HLA-DOB: variants seen among roughly 807,000 people sequenced by gnomAD.
The protein encoded by HLA-DOB is major histocompatibility complex, class II, DO beta.
In HLA-DOB, 25 loss-of-function variants were observed where a neutral mutation model predicts 27.7. That is an observed-to-expected ratio of 0.90 (90% CI 0.66 to 1.26). The LOEUF (loss-of-function observed/expected upper bound fraction) is 1.26, where lower values mean the gene tolerates loss of function less well. HLA-DOB is among the 50% of genes most tolerant of loss of function. The pLI, the probability that HLA-DOB is intolerant of heterozygous loss-of-function variation, is 0.00. For synonymous variants in HLA-DOB, 137 were observed against 125.6 expected (o/e 1.09, Z -0.61); for missense variants, 306 against 324.9 (o/e 0.94, Z 0.45).
At chr6:32,815,461 GA>G in intron 1 of HLA-DOB, 148 bp from the exon 2 acceptor site, 1 of 745,732 alleles carries the variant, frequency 1.3e-6, no homozygotes, top group Non-Finnish European at 2.3e-6. Context: ...AAAAGAAACA[GA>G]ATGGGATTCA....
rs1767960965 is a variant in HLA-DOB at position 32,815,095 on chromosome 6, C to T, written c.310G>A (p.Val104Ile). The change falls in exon 2 of 6, where the codon GTC (valine) becomes ATC (isoleucine). Residue 104 changes from valine to isoleucine, a missense_variant. Coordinates refer to ENST00000438763, the MANE Select transcript of HLA-DOB (RefSeq NM_002120.4). ...CCCAGCCTGTAGTTGTGTCTACAGACCCCATCCACGGCCTGTCTGCTCCTC... is the reference window on the plus strand; with the variant it reads ...CCCAGCCTGTAGTTGTGTCTACAGATCCCATCCACGGCCTGTCTGCTCCTC... The part of the protein sequence containing the change: ...LERSRQAVDG[V>I]CRHNYRLGAP... 3 of 1,614,084 alleles carry T rather than the reference C, an allele frequency of 1.9e-6. No homozygotes were observed. Among genetic ancestry groups the T allele is most frequent in the Non-Finnish European group, 2.5e-6 (3 of 1,180,040 alleles).
At chr6:32,813,325 C>T (rs1049130242) in intron 5 of HLA-DOB, 74 bp from the exon 6 acceptor site, 1 of 1,588,274 alleles carries the variant, frequency 6.3e-7, no homozygotes, top group Non-Finnish European at 8.6e-7. Context: ...ACTCAGGGGA[C>T]AGTCCCATCC....
Position 32,815,066 on chromosome 6 carries a change from T to C in HLA-DOB, c.339A>G (p.Ala113=). ...CACCTTTTCTCCCCACAGTGAAGGG[T>C]GCGCCCAGCCTGTAGTTGTGTCTAC... ...GVCRHNYRLG[A]PFTVGRKVQP... Residue 113 remains alanine, a synonymous_variant, in exon 2 of 6, where the codon GCA becomes GCG. Coordinates refer to ENST00000438763, the MANE Select transcript of HLA-DOB (RefSeq NM_002120.4). 1.2e-6 allele frequency: 2 copies of C among 1,614,062 alleles called. No individual in the cohort carries two copies. Among genetic ancestry groups the C allele is most frequent in the South Asian group, 1.1e-5 (1 of 91,076 alleles).
intron 1 of HLA-DOB, 135 bp from the exon 2 acceptor site, chr6:32,815,448 G>T: frequency 1.2e-6 from 1 of 826,602 alleles, no homozygotes; most frequent in Non-Finnish European, 2.0e-6. Flanking sequence ...AGTGTCAAGT[G>T]AGAAAAGAAA....
At chr6:32,813,941 A>T in intron 3 of HLA-DOB, 108 bp from the exon 4 acceptor site, 3 of 748,882 alleles carry the variant, frequency 4.0e-6, no homozygotes, top group Non-Finnish European at 6.6e-6. Context: ...AGCTAGAGAA[A>T]AATAAATAAA....
At chr6:32,814,262 G>T in intron 3 of HLA-DOB, 58 bp downstream of exon 3, 1 of 1,472,012 alleles carries the variant, frequency 6.8e-7, no homozygotes, top group Non-Finnish European at 9.4e-7. Flanking sequence ...CACAGGCTCT[G>T]TATTGAGTCA....
chr6:32,816,711 G>A (rs1202682616), intron 1 of HLA-DOB, 150 bp downstream of exon 1: 3 of 617,310 alleles, frequency 4.9e-6, no homozygotes, highest in South Asian at 2.1e-5. Flanking sequence ...GAGGCAAGGC[G>A]TACCTTTCTG....
At chr6:32,814,190 T>C (rs1361080426) in intron 3 of HLA-DOB, 130 bp downstream of exon 3, 4 of 896,314 alleles carry the variant, frequency 4.5e-6, no homozygotes, top group Admixed American at 2.6e-5. Flanking sequence ...CTGGTTTCTG[T>C]GACTGTCCCA....
Position 32,816,872 on chromosome 6 carries a change from G to C in HLA-DOB, c.80C>G (p.Thr27Arg), listed in dbSNP as rs1457991202. 1.2e-6 allele frequency: 2 copies of C among 1,612,574 alleles called. No individual in the cohort carries two copies. The highest frequency in any genetic ancestry group is 1.7e-6 in the Non-Finnish European group (2 of 1,179,754). ...TGCTCTGTTCTTACCTGGAGAGTCTGTGCCTTGAGTCATGGAGGAATCCAG... is the reference window on the plus strand; with the variant it reads ...TGCTCTGTTCTTACCTGGAGAGTCTCTGCCTTGAGTCATGGAGGAATCCAG... ...TRLDSSMTQG[T>R]DSPEDFVIQA... The change falls in exon 1 of 6, where the codon ACA (threonine) becomes AGA (arginine). Residue 27 changes from threonine (T) to arginine (R), a missense_variant. By Grantham distance (71) the Thr-to-Arg change is moderately conservative. Transcript: ENST00000438763.
At position 32,814,614 on chromosome 6, in the gene HLA-DOB, GA is replaced by G; in HGVS notation, c.362-14del. 1 of 1,602,966 alleles carries G rather than the reference GA, an allele frequency of 6.2e-7. No individual in the cohort carries two copies. Among genetic ancestry groups the G allele is most frequent in the Non-Finnish European group, 8.5e-7 (1 of 1,173,282 alleles). Reference sequence around the variant, plus strand: ...ACCTCTGGTTGCACTAGGAAGGGAGGAAAAATGAGACACCGTGAAAGAAAAC... The same window carrying G: ...ACCTCTGGTTGCACTAGGAAGGGAGGAAAATGAGACACCGTGAAAGAAAAC... On this transcript the variant is annotated splice_polypyrimidine_tract_variant and intron_variant, in intron 2 of 5. Transcript: ENST00000438763.
chr6:32,816,185 G>A (rs1165673344), intron 1 of HLA-DOB, among the ~76,000 whole-genome samples: 1 of 152,074 alleles, frequency 6.6e-6, no homozygotes, highest in Non-Finnish European at 1.5e-5. Context: ...ACATGCAAAG[G>A]GGATTCTGTT....
intron 2 of HLA-DOB, 111 bp from the exon 3 acceptor site, chr6:32,814,712 A>G: frequency 9.6e-7 from 1 of 1,038,722 alleles, no homozygotes; most frequent in East Asian, 2.4e-5. Context: ...CACCCAAGTG[A>G]ACACAAAGTA....
chr6:32,813,894 A>G, intron 3 of HLA-DOB, 61 bp from the exon 4 acceptor site: 1 of 1,002,408 alleles, frequency 1.0e-6, no homozygotes, highest in Admixed American at 2.1e-5. Flanking sequence ...ACTTTCTTGG[A>G]ATCCCAGAAT....
chr6:32,816,766 G>T, intron 1 of HLA-DOB, 95 bp downstream of exon 1: 1 of 976,946 alleles, frequency 1.0e-6, no homozygotes, highest in Non-Finnish European at 1.6e-6. Flanking sequence ...GCCACTTCCA[G>T]TCTGGTCTGT....
chr6:32,814,422 A>G lies in HLA-DOB; in HGVS notation c.541T>C (p.Phe181Leu), dbSNP rs1373030261. ...TGPIRNGDWT[F>L]QTVVMLEMTP... The stretch of plus-strand genomic sequence containing the variant: ...ATTTCTAGCATCACCACAGTCTGAA[A>G]GGTCCAGTCTCCATTCCTGATAGGG... The change falls in exon 3 of 6, where the codon TTT becomes CTT. Residue 181 changes from phenylalanine to leucine, a missense_variant. Transcript: ENST00000438763. 6.8e-6 allele frequency: 11 copies of G among 1,612,962 alleles called. No homozygotes were observed. The highest frequency in any genetic ancestry group is 9.3e-6 in the Non-Finnish European group (11 of 1,180,030).
chr6:32,814,223 T>A, intron 3 of HLA-DOB, 97 bp downstream of exon 3: 3 of 1,196,128 alleles, frequency 2.5e-6, no homozygotes, highest in Non-Finnish European at 3.6e-6. Flanking sequence ...GAATAATTCA[T>A]GTTGTGACCA....
chr6:32,814,424 G>T lies in HLA-DOB; in HGVS notation c.539C>A (p.Thr180Asn). The T allele has an allele frequency of 6.2e-7, 1 of 1,612,988 alleles. No homozygotes were observed. The highest frequency in any genetic ancestry group is 8.5e-7 in the Non-Finnish European group (1 of 1,179,994). ...STGPIRNGDW[T>N]FQTVVMLEMT... ...TTCTAGCATCACCACAGTCTGAAAG[G>T]TCCAGTCTCCATTCCTGATAGGGCC... The change falls in exon 3 of 6, where the codon ACC becomes AAC. Residue 180 changes from threonine to asparagine, a missense_variant. Coordinates refer to ENST00000438763, the MANE Select transcript of HLA-DOB (RefSeq NM_002120.4).
chr6:32,813,778 T>C lies in HLA-DOB; in HGVS notation c.699A>G (p.Leu233=), dbSNP rs966321746. ...CCACCAGAAGGAAGATTAGCCCAAG[T>C]AGGAAGGCTGCAATGCCACTCAGCA... The part of the protein sequence containing the change: ...RKMLSGIAAF[L]LGLIFLLVGI... Residue 233 remains leucine (L), a synonymous_variant, in exon 4 of 6, where the codon CTA becomes CTG. Coordinates refer to ENST00000438763, the MANE Select transcript of HLA-DOB (RefSeq NM_002120.4). 6.4e-7 allele frequency: 1 copy of C among 1,565,306 alleles called. No individual in the cohort carries two copies. The highest frequency in any genetic ancestry group is 8.7e-7 in the Non-Finnish European group (1 of 1,153,314).
chr6:32,815,282 A>G lies in HLA-DOB; in HGVS notation c.123T>C (p.Cys41=). 6.2e-7 allele frequency: 1 copy of G among 1,614,256 alleles called. No individual in the cohort carries two copies. Among genetic ancestry groups the G allele is most frequent in the Non-Finnish European group, 8.5e-7 (1 of 1,180,040 alleles). Residue 41 remains cysteine, a synonymous_variant, in exon 2 of 6, where the codon TGT becomes TGC. Coordinates refer to ENST00000438763, the MANE Select transcript of HLA-DOB (RefSeq NM_002120.4). The part of the protein sequence containing the change: ...EDFVIQAKAD[C]YFTNGTEKVQ... ...CCTTTTCTGTCCCGTTGGTGAAGTA[A>G]CAGTCAGCCTTTGCCTGAATCACAA...
Sources: allele counts gnomAD v4.1 joint callset (sites outside exome capture counted in the v4.1 genomes callset), GRCh38; gene constraint gnomAD v4.1.1; transcripts MANE v1.5; gene names NCBI Gene and HGNC (gene_info 2026-07-23, HGNC 2026-07-21).